Variants in AFAP1L1 observed in about 807,000 individuals in gnomAD.
The protein encoded by AFAP1L1 is actin filament-associated protein 1-like 1.
Under a neutral mutation model 99.8 loss-of-function variants are expected in AFAP1L1, and 77 were observed. The ratio of observed to expected loss-of-function variants is 0.77; its 90% CI spans 0.64 to 0.93. The LOEUF is 0.93. Among genes scored for constraint, AFAP1L1 ranks in the 40% least tolerant of loss-of-function variants. The pLI, the probability that AFAP1L1 is intolerant of heterozygous loss-of-function variation, is 0.00. For missense variants in AFAP1L1, 893 were observed against 996.8 expected (o/e 0.90, Z 1.40); for synonymous variants, 373 against 395.3 (o/e 0.94, Z 0.67).
chr5:149,327,629 A>G (rs1757133581), intron 15 of AFAP1L1, among the ~76,000 whole-genome samples: 1 of 152,206 alleles, frequency 6.6e-6, no homozygotes, highest in Admixed American at 6.5e-5. Context: ...CATGAGGCTG[A>G]AAAGTACAAT....
rs1179265143 is a variant in AFAP1L1 at position 149,320,882 on chromosome 5, C to T, written c.1698+419C>T. 6.6e-6 allele frequency among the ~76,000 whole-genome samples: 1 copy of T among 152,192 alleles called. No homozygotes were observed. Among genetic ancestry groups the T allele is most frequent in the Non-Finnish European group, 1.5e-5 (1 of 68,024 alleles). On this transcript the variant is annotated intron_variant, in intron 14 of 18. Coordinates refer to ENST00000296721, the MANE Select transcript of AFAP1L1 (RefSeq NM_152406.4). This position sits in a 1 kb window ranked among gnomAD's most constrained non-coding sequence, Gnocchi z 4.0. Reference sequence around the variant, plus strand: ...CTTTGTGATCTGGGAGCTTCAGCTCCCAGGCCAGTCTCCATGTTTTGCTTG... The same window carrying T: ...CTTTGTGATCTGGGAGCTTCAGCTCTCAGGCCAGTCTCCATGTTTTGCTTG...
intron 9 of AFAP1L1, among the ~76,000 whole-genome samples, chr5:149,315,479 A>G (rs1307920869): frequency 6.6e-6 from 1 of 152,148 alleles, no homozygotes; most frequent in East Asian, 1.9e-4. Context: ...GTAACTTCCT[A>G]AACCAATTTG....
At chr5:149,299,460 G>A (rs1675755164) in intron 1 of AFAP1L1, 49 bp from the exon 2 acceptor site, 1 of 1,607,778 alleles carries the variant, frequency 6.2e-7, no homozygotes. Context: ...CCCGGGCACA[G>A]AGCTGTGACT....
At chr5:149,335,472 A>G (rs1218441730) in intron 17 of AFAP1L1, 122 bp from the exon 18 acceptor site, 2 of 1,323,966 alleles carry the variant, frequency 1.5e-6, no homozygotes, top group Non-Finnish European at 2.0e-6. Flanking sequence ...TGGGTGACAG[A>G]GACTCTGTCT....
intron 1 of AFAP1L1, among the ~76,000 whole-genome samples, chr5:149,298,095 G>C (rs1756071968): frequency 1.3e-5 from 2 of 152,312 alleles, no homozygotes; most frequent in South Asian, 4.1e-4. Flanking sequence ...TCTGGCTCCA[G>C]GGCCTGTTCT....
intron 7 of AFAP1L1, among the ~76,000 whole-genome samples, chr5:149,308,375 G>T (rs1016904848): frequency 3.9e-5 from 6 of 152,104 alleles, no homozygotes; most frequent in African/African-American, 1.4e-4. Context: ...TAGCTTTAGT[G>T]TACACATTTC....
intron 1 of AFAP1L1, among the ~76,000 whole-genome samples, chr5:149,286,870 C>T (rs2127590751): frequency 6.6e-6 from 1 of 152,290 alleles, no homozygotes; most frequent in South Asian, 2.1e-4. Flanking sequence ...GGAGCTGGGG[C>T]TTGAGCCCTG....
chr5:149,275,953 A>G (rs1755307658), intron 1 of AFAP1L1, among the ~76,000 whole-genome samples: 1 of 152,242 alleles, frequency 6.6e-6, no homozygotes. Context: ...TTTGGGAGGG[A>G]CAAAATTCAG....
At chr5:149,286,468 C>A (rs112932536) in intron 1 of AFAP1L1, among the ~76,000 whole-genome samples, 96 of 152,304 alleles carry the variant, frequency 6.3e-4, no homozygotes, top group Middle Eastern at 6.8e-3. Context: ...ACAAAGCCAA[C>A]CACATACTCC....
chr5:149,299,463 C>G (rs374131224), intron 1 of AFAP1L1, 46 bp from the exon 2 acceptor site: 2 of 1,609,298 alleles, frequency 1.2e-6, no homozygotes, highest in Non-Finnish European at 1.7e-6. Context: ...GGGCACAGAG[C>G]TGTGACTGTG....
intron 1 of AFAP1L1, among the ~76,000 whole-genome samples, chr5:149,287,392 G>A (rs1419162319): frequency 2.0e-5 from 3 of 152,128 alleles, no homozygotes; most frequent in Non-Finnish European, 2.9e-5. Context: ...CATAAAGTTA[G>A]ATGTAAGATA....
In AFAP1L1 at chr5:149,297,451, G is replaced by C. The variant is rs188927745; in HGVS notation, c.17-2058G>C. Among the ~76,000 whole-genome samples the C allele has an allele frequency of 1.4e-3, 213 of 152,236 alleles. 1 individual carries two copies. The highest frequency in any genetic ancestry group is 4.8e-3 in the African/African-American group (200 of 41,538). On this transcript the variant is annotated intron_variant, in intron 1 of 18. Coordinates refer to ENST00000296721, the MANE Select transcript of AFAP1L1 (RefSeq NM_152406.4). ...TCAGCGTCATCTTCTGAAAAAAAAG[G>C]CATCCCAATAGGACTGCTCACAGAT...
chr5:149,312,812 GAGAGAAAGAAAGAA>G (rs947892500), intron 9 of AFAP1L1, among the ~76,000 whole-genome samples: 7 of 151,048 alleles, frequency 4.6e-5, no homozygotes, highest in East Asian at 2.0e-4. Flanking sequence ...AAAAGAGAGA[GAGAGAAAGAAAGAA>G]AGAGAAAGAG....
rs1757559370 is a variant in AFAP1L1 at position 149,341,476 on chromosome 5, T to C, written c.*1446T>C. On this transcript the variant is annotated 3_prime_UTR_variant, in exon 19 of 19. Coordinates refer to ENST00000296721, the MANE Select transcript of AFAP1L1 (RefSeq NM_152406.4). ...TGATTGCTCTGATTCTTGTTTTCCT[T>C]ATCTGTGAAATGGGACTAACAATTG... 6.6e-6 allele frequency: 1 copy of C among 152,208 alleles called. No homozygotes were observed. Among genetic ancestry groups the C allele is most frequent in the South Asian group, 2.1e-4 (1 of 4,826 alleles). 9.4% of individuals were successfully genotyped at this position (152,208 alleles called of 1,614,324 possible). A position where few individuals can be genotyped will look rare whatever the true frequency, so the allele number is the denominator to read the frequency against.
intron 18 of AFAP1L1, among the ~76,000 whole-genome samples, chr5:149,337,118 A>C (rs1251733412): frequency 1.3e-5 from 2 of 152,156 alleles, no homozygotes; most frequent in African/African-American, 4.8e-5. Context: ...TAAAAGGGGG[A>C]GAATGGAATG....
intron 1 of AFAP1L1, among the ~76,000 whole-genome samples, chr5:149,299,213 G>T (rs532410386): frequency 6.8e-4 from 104 of 152,306 alleles, no homozygotes; most frequent in African/African-American, 2.3e-3. Flanking sequence ...ACCTCTGCTC[G>T]GGGCTGCCTG....
intron 1 of AFAP1L1, among the ~76,000 whole-genome samples, chr5:149,291,524 C>CAAAAAAAAAA (rs1229134807): frequency 7.5e-5 from 1 of 13,394 alleles, no homozygotes; most frequent in Non-Finnish European, 1.6e-4. Context: ...GACTCCGTCT[C>CAAAAAAAAAA]AAAAAAAAAA....
intron 15 of AFAP1L1, among the ~76,000 whole-genome samples, chr5:149,329,086 T>C (rs747960552): frequency 2.4e-4 from 37 of 152,310 alleles, no homozygotes; most frequent in African/African-American, 4.1e-4. Context: ...CCTTGACTTA[T>C]AGATATCTGA....
In AFAP1L1 at chr5:149,324,381, G is replaced by A. The variant is rs78073452; in HGVS notation, c.1810+1664G>A. ...CTAAGGGCACTAATCCTACCCATGA[G>A]GGCTCCACCCTCGTGACCTAATCAC... On this transcript the variant is annotated intron_variant, in intron 15 of 18. Transcript: ENST00000296721. Among the ~76,000 whole-genome samples the A allele has an allele frequency of 7.2e-3, 1,092 of 152,248 alleles. 25 individuals carry two copies. The highest frequency in any genetic ancestry group is 0.026 in the African/African-American group (1,059 of 41,526).
Sources: allele counts gnomAD v4.1 joint callset (sites outside exome capture counted in the v4.1 genomes callset), GRCh38; gene constraint gnomAD v4.1.1; non-coding constraint Gnocchi (gnomAD v3.1); transcripts MANE v1.5; gene names NCBI Gene and HGNC (gene_info 2026-07-23, HGNC 2026-07-21).